SEMA3A: variants seen among roughly 807,000 people sequenced by gnomAD.
The protein encoded by SEMA3A is semaphorin-3A.
A neutral mutation model predicts 97.9 loss-of-function variants in SEMA3A; 29 were observed. The observed-to-expected ratio is 0.30, with a 90% confidence interval of 0.22 to 0.40. SEMA3A has a LOEUF of 0.40. Ranked by LOEUF, SEMA3A falls within the 10% of genes least tolerant of loss-of-function variation. The probability of loss-of-function intolerance (pLI) is 1.00; values close to 1 mark genes in which losing one functional copy is unlikely to be tolerated. For synonymous variants in SEMA3A, 321 were observed against 323.7 expected, an observed-to-expected ratio of 0.99 and a Z score of 0.09; for missense variants, 763 against 951.3, an observed-to-expected ratio of 0.80 and a Z score of 2.60.
intron 6 of SEMA3A, among the ~76,000 whole-genome samples, chr7:84,029,816 C>T (rs1023196238): frequency 0.02 from 2,580 of 127,878 alleles, 59 homozygotes; most frequent in African/African-American, 0.065. Context: ...CATATACACA[C>T]ACACACACAC....
intron 4 of SEMA3A, among the ~76,000 whole-genome samples, chr7:84,061,506 G>A (rs967538072): frequency 6.6e-6 from 1 of 152,144 alleles, no homozygotes; most frequent in Non-Finnish European, 1.5e-5. Context: ...ATAAGAATAT[G>A]TATGCTTTTT....
At chr7:84,046,825 T>C (rs972027948) in intron 5 of SEMA3A, among the ~76,000 whole-genome samples, 1 of 152,096 alleles carries the variant, frequency 6.6e-6, no homozygotes, top group African/African-American at 2.4e-5. Flanking sequence ...GTAAAGTTAC[T>C]ATGGTTCTAA....
intron 3 of SEMA3A, among the ~76,000 whole-genome samples, chr7:84,249,781 T>G (rs1366213004): frequency 2.0e-5 from 3 of 147,752 alleles, no homozygotes; most frequent in Non-Finnish European, 3.0e-5. Context: ...GAGATTCCTT[T>G]CTAAAAAAAA....
At chr7:84,307,790 T>A (rs548130314) in intron 2 of SEMA3A, among the ~76,000 whole-genome samples, 2 of 152,292 alleles carry the variant, frequency 1.3e-5, no homozygotes, top group East Asian at 3.9e-4. Context: ...AAAGGAAATA[T>A]ACCAAATATT....
intron 1 of SEMA3A, among the ~76,000 whole-genome samples, chr7:84,151,763 A>G (rs1796679242): frequency 6.6e-6 from 1 of 152,254 alleles, no homozygotes; most frequent in Non-Finnish European, 1.5e-5. Flanking sequence ...CAGGCAACCT[A>G]CAAAATGGGA....
rs183273511 is a variant in SEMA3A at position 84,405,037 on chromosome 7, C to T, written c.-245-33137G>A. On this transcript the variant is annotated intron_variant, in intron 1 of 3. Transcript: ENST00000424555. ...ACATAATGACAGGATCAAATTCACACATAACAATACTAACCTTAAATGTAA... is the reference window on the plus strand; with the variant it reads ...ACATAATGACAGGATCAAATTCACATATAACAATACTAACCTTAAATGTAA... Among the ~76,000 whole-genome samples, 4,137 of 152,222 alleles carry T rather than the reference C, an allele frequency of 0.027. 318 individuals are homozygous for T. The East Asian group carries it at 0.31, about 12-fold the overall frequency.
chr7:84,432,822 C>T (rs1240291094), intron 1 of SEMA3A, among the ~76,000 whole-genome samples: 3 of 149,022 alleles, frequency 2.0e-5, no homozygotes, highest in East Asian at 3.9e-4. Context: ...CATATCTTTG[C>T]TATTATGGAT....
chr7:84,254,549 A>C (rs1305948222), intron 3 of SEMA3A, among the ~76,000 whole-genome samples: 1 of 152,208 alleles, frequency 6.6e-6, no homozygotes, highest in East Asian at 1.9e-4. Context: ...ACAATGACGC[A>C]TAATATTCCA....
In SEMA3A at chr7:84,005,570, AAG is replaced by A; in HGVS notation, c.1141-14_1141-13del. On this transcript the variant is annotated splice_polypyrimidine_tract_variant and intron_variant, in intron 10 of 16. Coordinates refer to ENST00000265362, the MANE Select transcript of SEMA3A (RefSeq NM_006080.3). ...GTTTTGCTGGGACACTATTAAGATA[AAG>A]AGAAAATTATCTTTTGATTAAAATC... is the stretch of plus-strand genomic sequence containing the variant. 2 of 1,535,662 alleles carry A rather than the reference AAG, an allele frequency of 1.3e-6. No homozygotes were observed. The highest frequency in any genetic ancestry group is 1.4e-5 in the African/African-American group (1 of 72,900).
intron 3 of SEMA3A, among the ~76,000 whole-genome samples, chr7:84,298,645 A>T (rs1037368531): frequency 1.2e-4 from 18 of 152,180 alleles, no homozygotes; most frequent in Non-Finnish European, 1.6e-4. Flanking sequence ...TAATCAGCAG[A>T]TATTTCTCCT....
intron 10 of SEMA3A, among the ~76,000 whole-genome samples, chr7:84,006,960 A>G (rs886281282): frequency 2.3e-4 from 35 of 152,134 alleles, no homozygotes; most frequent in Admixed American, 2.2e-3. Context: ...TTATAAAATT[A>G]AGGTTATAGA....
chr7:84,051,183 T>G (rs201510634), intron 5 of SEMA3A, among the ~76,000 whole-genome samples: 95,104 of 141,718 alleles, frequency 0.67, 32,441 homozygotes, highest in East Asian at 0.83. Flanking sequence ...GGATTGACTT[T>G]GCAATGCGGG....
At position 84,324,455 on chromosome 7, in the gene SEMA3A, T is replaced by C. The variant is rs551845936; in HGVS notation, c.-168-17163A>G. ...GCTTTGGAATTCCATCTCATAGTTATCTGCCAGCTCCAGTGAATGAACAAA... is the reference window on the plus strand; with the variant it reads ...GCTTTGGAATTCCATCTCATAGTTACCTGCCAGCTCCAGTGAATGAACAAA... On this transcript the variant is annotated intron_variant, in intron 2 of 3. Transcript: ENST00000424555. Among the ~76,000 whole-genome samples, 184 of 152,294 alleles carry C rather than the reference T, an allele frequency of 1.2e-3. 1 individual carries two copies. The highest frequency in any genetic ancestry group is 4.2e-3 in the African/African-American group (174 of 41,572).
In SEMA3A at chr7:84,029,103, G is replaced by A. The variant is rs183649126; in HGVS notation, c.668-14752C>T. On this transcript the variant is annotated intron_variant, in intron 6 of 16. Coordinates refer to ENST00000265362, the MANE Select transcript of SEMA3A (RefSeq NM_006080.3). ...AAACATGTTTCAAGGAAAGTGCTGG[G>A]CATATTAACCTAATTTAGACTAAAT... Among the ~76,000 whole-genome samples, 3 of 152,228 alleles carry A rather than the reference G, an allele frequency of 2.0e-5. No individual in the cohort carries two copies. The East Asian group carries it at 5.8e-4, about 29-fold the overall frequency.
At chr7:84,024,598 C>A (rs976050663) in intron 6 of SEMA3A, among the ~76,000 whole-genome samples, 8 of 151,968 alleles carry the variant, frequency 5.3e-5, no homozygotes, top group African/African-American at 1.9e-4. Context: ...AATCAACTAG[C>A]CTCAGTTACT....
chr7:84,444,179 C>T (rs1805347474), intron 1 of SEMA3A, among the ~76,000 whole-genome samples: 1 of 152,108 alleles, frequency 6.6e-6, no homozygotes, highest in Admixed American at 6.5e-5. Context: ...AGCCACCACA[C>T]CCGGCCTGAT....
In SEMA3A at chr7:84,319,486, C is replaced by G. The variant is rs1801594522; in HGVS notation, c.-168-12194G>C. Among the ~76,000 whole-genome samples the G allele has an allele frequency of 2.0e-5, 3 of 152,044 alleles. No individual in the cohort carries two copies. The South Asian group carries it at 6.2e-4, about 32-fold the overall frequency. On this transcript the variant is annotated intron_variant, in intron 2 of 3. Transcript: ENST00000424555. ...TCCTTAACTTCATCAGTAAAAGTTA[C>G]TAAGAATCCCAAGGCTTATTAGCCA...
intron 2 of SEMA3A, among the ~76,000 whole-genome samples, chr7:84,359,142 C>A (rs1326110868): frequency 6.6e-6 from 1 of 152,068 alleles, no homozygotes; most frequent in Non-Finnish European, 1.5e-5. Context: ...CTTTCTCCTG[C>A]CTGATTGCCC....
chr7:84,485,498 C>T (rs1806551546), intron 1 of SEMA3A, among the ~76,000 whole-genome samples: 1 of 151,906 alleles, frequency 6.6e-6, no homozygotes, highest in South Asian at 2.1e-4. Context: ...GCCTCAGCCT[C>T]CTGAGTAGCT....
Sources: allele counts gnomAD v4.1 joint callset (sites outside exome capture counted in the v4.1 genomes callset), GRCh38; gene constraint gnomAD v4.1.1; transcripts MANE v1.5; gene names NCBI Gene and HGNC (gene_info 2026-07-23, HGNC 2026-07-21).